The following CYLC2 variants were observed in gnomAD, a reference collection of about 807,000 sequenced individuals.
CYLC2 encodes cylicin-2.
A neutral mutation model predicts 26.1 loss-of-function variants in CYLC2; 30 were observed. That is an observed-to-expected ratio of 1.15 (90% CI 0.86 to 1.56). CYLC2 has a LOEUF of 1.56. CYLC2 is among the 40% of genes most tolerant of loss of function. The pLI is 0.00. For missense variants in CYLC2, 498 were observed against 394.4 expected (o/e 1.26, Z -2.23); for synonymous variants, 158 against 132.8 (o/e 1.19, Z -1.31).
intron 1 of CYLC2, 62 bp downstream of exon 1, chr9:102,995,459 T>C: frequency 4.0e-6 from 5 of 1,234,858 alleles, no homozygotes; most frequent in Non-Finnish European, 4.8e-6. Context: ...TTTAACTTCT[T>C]TAGTATGAAG....
rs1184035283 is a variant in CYLC2, at chr9:103,004,955, A to G, written c.338-14A>G. On this transcript the variant is annotated splice_polypyrimidine_tract_variant and intron_variant, in intron 4 of 7. Coordinates refer to ENST00000374798, the MANE Select transcript of CYLC2 (RefSeq NM_001340.5). ...TTTTCCCATTTTAAGAAATATTTGA[A>G]TATTTATCCCCAGAAATTGGTAAGA... 1 of 1,576,870 alleles carries G rather than the reference A, an allele frequency of 6.3e-7. No individual in the cohort carries two copies. Among genetic ancestry groups the G allele is most frequent in the Non-Finnish European group, 8.6e-7 (1 of 1,168,708 alleles).
chr9:103,000,991 T>A (rs1829282811), intron 1 of CYLC2, among the ~76,000 whole-genome samples: 1 of 151,784 alleles, frequency 6.6e-6, no homozygotes, highest in East Asian at 1.9e-4. Flanking sequence ...TTTTCAGATT[T>A]TCTTTAAAAA....
At chr9:103,014,199 G>A (rs1302960492) in intron 6 of CYLC2, among the ~76,000 whole-genome samples, 3 of 115,872 alleles carry the variant, frequency 2.6e-5, no homozygotes, top group African/African-American at 1.1e-4. Context: ...TATATAATAT[G>A]AATATTATAT....
chr9:103,007,801 G>A (rs1034754906), intron 5 of CYLC2, among the ~76,000 whole-genome samples: 1 of 152,094 alleles, frequency 6.6e-6, no homozygotes, highest in African/African-American at 2.4e-5. Context: ...ATTAAAGGAA[G>A]GGTCTCCTAG....
chr9:103,001,594 G>A lies in CYLC2; in HGVS notation c.34G>A (p.Gly12Arg). 6.4e-7 allele frequency: 1 copy of A among 1,558,974 alleles called. No homozygotes were observed. The highest frequency in any genetic ancestry group is 2.3e-5 in the East Asian group (1 of 44,328). Reference sequence around the variant, plus strand: ...TTTTAATAGCCAAAGAGTAAACTTTGGGCCATATGATAATTACATTCCAGG... The same window carrying A: ...TTTTAATAGCCAAAGAGTAAACTTTAGGCCATATGATAATTACATTCCAGG... ...SLPRFQRVNF[G>R]PYDNYIPVSE... The change falls in exon 2 of 8, where the codon GGG becomes AGG. Residue 12 changes from glycine (G) to arginine (R), a missense_variant. Physicochemically the swap from Gly to Arg is moderately radical, Grantham distance 125 (BLOSUM62 -2). Coordinates refer to ENST00000374798, the MANE Select transcript of CYLC2 (RefSeq NM_001340.5).
At position 103,004,709 on chromosome 9, in the gene CYLC2, ACAATT is replaced by A; in HGVS notation, c.196_200del (p.Gln66LysfsTer5). ...CCATCTTTCAGATAATTGATGAAGA[ACAATT>A]AAGAGGAGATCGTAGACAACCATTA... On this transcript the variant is annotated frameshift_variant, in exon 4 of 8. Transcript: ENST00000374798. LOFTEE classifies it high-confidence loss of function. 6.3e-7 allele frequency: 1 copy of A among 1,590,480 alleles called. No homozygotes were observed. The highest frequency in any genetic ancestry group is 8.5e-7 in the Non-Finnish European group (1 of 1,172,316).
chr9:103,016,099 A>G lies in CYLC2; in HGVS notation c.*817-789A>G, dbSNP rs112161917. On this transcript the variant is annotated intron_variant, in intron 6 of 7. Transcript: ENST00000374798. ...TAGATAGATAATTGATATTATCTAT[A>G]TCTACATATACACATTTATGTCTCA... 2.1e-3 allele frequency among the ~76,000 whole-genome samples: 315 copies of G among 151,856 alleles called. 3 individuals are homozygous for G. Among genetic ancestry groups the G allele is most frequent in the African/African-American group, 7.2e-3 (300 of 41,504 alleles).
intron 3 of CYLC2, among the ~76,000 whole-genome samples, chr9:103,003,794 C>A (rs1184168361): frequency 1.3e-5 from 2 of 151,902 alleles, no homozygotes; most frequent in Non-Finnish European, 2.9e-5. Context: ...TGGAGAAATC[C>A]CTCATTTGAG....
intron 1 of CYLC2, among the ~76,000 whole-genome samples, chr9:102,998,608 G>A (rs1168771654): frequency 6.6e-6 from 1 of 151,896 alleles, no homozygotes; most frequent in African/African-American, 2.4e-5. Context: ...AGGGGCAAGG[G>A]TATTTGGTTT....
intron 5 of CYLC2, among the ~76,000 whole-genome samples, chr9:103,009,016 A>G (rs958335424): frequency 6.6e-6 from 1 of 152,106 alleles, no homozygotes; most frequent in African/African-American, 2.4e-5. Flanking sequence ...TGACAACACT[A>G]TTCCTTTTGT....
At chr9:103,011,035 A>G (rs1290603564) in intron 5 of CYLC2, among the ~76,000 whole-genome samples, 1 of 152,092 alleles carries the variant, frequency 6.6e-6, no homozygotes, top group African/African-American at 2.4e-5. Flanking sequence ...AAAAATAACA[A>G]CTAGATATAA....
At position 103,016,975 on chromosome 9, in the gene CYLC2, A is replaced by AAC. The variant is rs1270337279; in HGVS notation, c.*890+15_*890+16insCA. 6.6e-6 allele frequency: 1 copy of AAC among 151,984 alleles called. No individual in the cohort carries two copies. Among genetic ancestry groups the AAC allele is most frequent in the Non-Finnish European group, 1.5e-5 (1 of 67,974 alleles). The allele number at this position is 151,984 out of a possible 1,614,324, so 9.4% of individuals were successfully genotyped here. A position where few individuals can be genotyped will look rare whatever the true frequency, so the allele number is the denominator to read the frequency against. On this transcript the variant is annotated intron_variant, in intron 7 of 7. Transcript: ENST00000374798. ...GAAACAAAAGATGTAAGTAAACTGAAATTTACCCTTATGTGTAATAGCCAT... is the reference window on the plus strand; with the variant it reads ...GAAACAAAAGATGTAAGTAAACTGAAACATTTACCCTTATGTGTAATAGCCAT...
At chr9:103,009,128 C>A in intron 5 of CYLC2, among the ~76,000 whole-genome samples, 1 of 152,284 alleles carries the variant, frequency 6.6e-6, no homozygotes, top group Middle Eastern at 3.4e-3. Flanking sequence ...GAATGCAATT[C>A]TCCTAGAACA....
intron 1 of CYLC2, among the ~76,000 whole-genome samples, chr9:102,996,058 G>A (rs1464068909): frequency 2.0e-5 from 3 of 151,832 alleles, no homozygotes; most frequent in Non-Finnish European, 4.4e-5. Flanking sequence ...CAACAAAGGT[G>A]AAGGAATGGA....
Position 103,007,790 on chromosome 9 carries a change from C to T in CYLC2, c.*700+1412C>T, listed in dbSNP as rs575228673. Among the ~76,000 whole-genome samples, 9 of 152,226 alleles carry T rather than the reference C, an allele frequency of 5.9e-5. No homozygotes were observed. In the South Asian group the frequency reaches 1.9e-3, roughly 32 times the overall value. On this transcript the variant is annotated intron_variant, in intron 5 of 7. Transcript: ENST00000374798. ...GATGCAACATAAAGCTTCTCTTGGACATTAAAGGAAGGGTCTCCTAGTCTG... is the reference window on the plus strand; with the variant it reads ...GATGCAACATAAAGCTTCTCTTGGATATTAAAGGAAGGGTCTCCTAGTCTG...
intron 5 of CYLC2, among the ~76,000 whole-genome samples, chr9:103,007,288 A>G (rs528443176): frequency 5.3e-5 from 8 of 152,222 alleles, no homozygotes; most frequent in African/African-American, 1.9e-4. Flanking sequence ...ATGATAGATG[A>G]TATTATTACC....
intron 6 of CYLC2, among the ~76,000 whole-genome samples, chr9:103,013,692 T>C (rs1195413452): frequency 1.8e-5 from 2 of 110,584 alleles, no homozygotes; most frequent in Non-Finnish European, 3.3e-5. Context: ...ATATATAATA[T>C]ATCCTGTACA....
chr9:103,014,157 T>C (rs1829458297), intron 6 of CYLC2, among the ~76,000 whole-genome samples: 1 of 121,386 alleles, frequency 8.2e-6, no homozygotes, highest in African/African-American at 3.4e-5. Flanking sequence ...TTATTTAATA[T>C]ATAATATGAA....
Position 103,005,889 on chromosome 9 carries a change from C to A in CYLC2, c.*211C>A. On this transcript the variant is annotated 3_prime_UTR_variant, in exon 5 of 8. Transcript: ENST00000374798. ...TGTTAAGAAAAATTAAGGGGGGATC[C>A]ATTGAAAGACTTGAAGAATACATAT... The A allele has an allele frequency of 1.9e-6, 1 of 523,016 alleles. No individual in the cohort carries two copies. Among genetic ancestry groups the A allele is most frequent in the Non-Finnish European group, 3.3e-6 (1 of 301,778 alleles). The allele number at this position is 523,016 out of a possible 1,614,324, so 32.4% of individuals were successfully genotyped here.
Sources: allele counts gnomAD v4.1 joint callset (sites outside exome capture counted in the v4.1 genomes callset), GRCh38; gene constraint gnomAD v4.1.1; transcripts MANE v1.5; gene names NCBI Gene and HGNC (gene_info 2026-07-23, HGNC 2026-07-21).